KDELR2: variants seen among roughly 807,000 people sequenced by gnomAD.
KDELR2 encodes the protein KDEL endoplasmic reticulum protein retention receptor 2.
Under a neutral mutation model 23.9 loss-of-function variants are expected in KDELR2, and 15 were observed. That is an observed-to-expected ratio of 0.63 (90% CI 0.42 to 0.97). KDELR2 has a LOEUF of 0.97. Among genes scored for constraint, KDELR2 ranks in the 50% least tolerant of loss-of-function variants. The pLI is 0.00. For synonymous variants in KDELR2, 119 were observed against 106.2 expected (o/e 1.12, Z -0.74); for missense variants, 272 against 254.6 (o/e 1.07, Z -0.46).
intron 1 of KDELR2, among the ~76,000 whole-genome samples, chr7:6,480,401 A>C (rs1562503281): frequency 6.6e-6 from 1 of 152,350 alleles, no homozygotes; most frequent in East Asian, 1.9e-4. Flanking sequence ...GATAATTCAG[A>C]ATAGGAGAAA....
At chr7:6,468,856 T>A (rs1785561192) in intron 3 of KDELR2, among the ~76,000 whole-genome samples, 1 of 152,024 alleles carries the variant, frequency 6.6e-6, no homozygotes, top group South Asian at 2.1e-4. Flanking sequence ...CCAGGCTGAA[T>A]GCCTGAACCT....
chr7:6,464,322 C>T (rs559597381), intron 4 of KDELR2, among the ~76,000 whole-genome samples: 82 of 149,822 alleles, frequency 5.5e-4, no homozygotes, highest in African/African-American at 1.7e-3. Flanking sequence ...AGTTCAAGAC[C>T]AGCCTGGCCA....
chr7:6,466,326 G>C lies in KDELR2; in HGVS notation c.352-3C>G, dbSNP rs770409478. On this transcript the variant is annotated splice_polypyrimidine_tract_variant and splice_region_variant and intron_variant, in intron 3 of 4. Coordinates refer to ENST00000258739, the MANE Select transcript of KDELR2 (RefSeq NM_006854.4). ...TAGATGGAGAAGGTCCAGAGGATCT[G>C]GAAGAGAAATGGCAAGCTTCCATCA... 1 of 1,612,602 alleles carries C rather than the reference G, an allele frequency of 6.2e-7. No homozygotes were observed. The highest frequency in any genetic ancestry group is 1.3e-5 in the African/African-American group (1 of 74,968).
chr7:6,482,508 C>T (rs1583322798), intron 1 of KDELR2: 3 of 458,602 alleles, frequency 6.5e-6, no homozygotes, highest in Non-Finnish European at 1.4e-5. Context: ...GACTTTGTAA[C>T]ACCCATCTTA....
At position 6,469,979 on chromosome 7, in the gene KDELR2, A is replaced by G. The variant is rs960512127; in HGVS notation, c.193-225T>C. On this transcript the variant is annotated intron_variant, in intron 2 of 4. Transcript: ENST00000258739. ...GACACAGAATAGTTCCATCATCCCC[A>G]AAATTCTGCCATGCTGCCGCTTCGC... The G allele has an allele frequency of 2.7e-5, 10 of 364,602 alleles. No individual in the cohort carries two copies. In the Admixed American group the frequency reaches 3.9e-4, roughly 14 times the overall value. 22.6% of individuals were successfully genotyped at this position (364,602 alleles called of 1,614,324 possible).
At chr7:6,475,684 T>A (rs773571570) in intron 1 of KDELR2, among the ~76,000 whole-genome samples, 27 of 152,146 alleles carry the variant, frequency 1.8e-4, no homozygotes, top group Non-Finnish European at 2.9e-4. Context: ...ACATCTATAT[T>A]TGGCCAAATA....
At position 6,462,113 on chromosome 7, in the gene KDELR2, G is replaced by A. The variant is rs1353774160; in HGVS notation, c.*1028C>T. The A allele has an allele frequency of 6.6e-6, 1 of 151,956 alleles. No individual in the cohort carries two copies. The highest frequency in any genetic ancestry group is 1.5e-5 in the Non-Finnish European group (1 of 68,028). 9.4% of individuals were successfully genotyped at this position (151,956 alleles called of 1,614,324 possible). ...AAACAAAACAAGAAACTACGATGTCGGCTGCGGGTTAAATAAAAAGAAAAC... is the reference window on the plus strand; with the variant it reads ...AAACAAAACAAGAAACTACGATGTCAGCTGCGGGTTAAATAAAAAGAAAAC... On this transcript the variant is annotated 3_prime_UTR_variant, in exon 5 of 5. Transcript: ENST00000258739.
chr7:6,479,002 C>T (rs983203088), intron 1 of KDELR2, among the ~76,000 whole-genome samples: 1 of 152,048 alleles, frequency 6.6e-6, no homozygotes, highest in African/African-American at 2.4e-5. Context: ...ATTGGCCAAG[C>T]TGGTCTTGAA....
chr7:6,464,848 G>A (rs1785468008), intron 4 of KDELR2, among the ~76,000 whole-genome samples: 1 of 148,116 alleles, frequency 6.8e-6, no homozygotes, highest in South Asian at 2.1e-4. Context: ...AGATTTTCCT[G>A]CCTCAGCCCC....
At chr7:6,482,674 C>A (rs1785926721) in intron 1 of KDELR2, 2 of 386,408 alleles carry the variant, frequency 5.2e-6, no homozygotes, top group Middle Eastern at 3.7e-4. Flanking sequence ...AGTCTCTGCA[C>A]CCAGATAATT....
At position 6,474,373 on chromosome 7, in the gene KDELR2, G is replaced by A. The variant is rs145727910; in HGVS notation, c.92-89C>T. ...CTGTGCAGGGAGTGCAGACAGGGAA[G>A]GAGGGGTGCGTGGGGTCAAGGCCCA... On this transcript the variant is annotated intron_variant, in intron 1 of 4. Coordinates refer to ENST00000258739, the MANE Select transcript of KDELR2 (RefSeq NM_006854.4). 2.8e-3 allele frequency: 2,450 copies of A among 879,918 alleles called. 8 individuals are homozygous for A. Among genetic ancestry groups the A allele is most frequent in the Middle Eastern group, 0.018 (81 of 4,594 alleles). The allele number at this position is 879,918 out of a possible 1,614,324, so 54.5% of individuals were successfully genotyped here.
Position 6,462,781 on chromosome 7 carries a change from A to G in KDELR2, c.*360T>C, listed in dbSNP as rs1448225456. The G allele has an allele frequency of 7.8e-6, 4 of 512,560 alleles. No individual in the cohort carries two copies. Among genetic ancestry groups the G allele is most frequent in the Non-Finnish European group, 1.4e-5 (4 of 294,564 alleles). 31.8% of individuals were successfully genotyped at this position (512,560 alleles called of 1,614,324 possible). The stretch of plus-strand genomic sequence containing the variant: ...GGAGTACAATTTCATTGCAGACACA[A>G]AGACTTAAGAGTTTCAAAGAATTTT... On this transcript the variant is annotated 3_prime_UTR_variant, in exon 5 of 5. Transcript: ENST00000258739.
intron 3 of KDELR2, among the ~76,000 whole-genome samples, chr7:6,467,112 C>A (rs1583316135): frequency 6.6e-6 from 1 of 152,156 alleles, no homozygotes; most frequent in East Asian, 1.9e-4. Context: ...CCTTGTCTCT[C>A]CAGGTTTATT....
At chr7:6,483,153 C>T (rs1785941667) in intron 1 of KDELR2, among the ~76,000 whole-genome samples, 1 of 152,204 alleles carries the variant, frequency 6.6e-6, no homozygotes, top group African/African-American at 2.4e-5. Context: ...ATCAGGGAAC[C>T]AGCCAGCTCA....
At chr7:6,476,656 C>T (rs770011169) in intron 1 of KDELR2, among the ~76,000 whole-genome samples, 1 of 152,118 alleles carries the variant, frequency 6.6e-6, no homozygotes, top group Non-Finnish European at 1.5e-5. Context: ...AACCAGGGAC[C>T]ATCATATTGT....
chr7:6,474,381 G>A (rs1785713349), intron 1 of KDELR2, 97 bp from the exon 2 acceptor site: 1 of 813,882 alleles, frequency 1.2e-6, no homozygotes, highest in Non-Finnish European at 2.1e-6. Flanking sequence ...AAGGAGGGGT[G>A]CGTGGGGTCA....
At chr7:6,478,120 G>A (rs1785793866) in intron 1 of KDELR2, among the ~76,000 whole-genome samples, 1 of 151,526 alleles carries the variant, frequency 6.6e-6, no homozygotes, top group African/African-American at 2.4e-5. Context: ...CCTACCCAGT[G>A]GTATGTACTG....
intron 2 of KDELR2, 191 bp downstream of exon 2, chr7:6,473,993 T>G: frequency 2.3e-6 from 1 of 442,392 alleles, no homozygotes; most frequent in East Asian, 3.4e-5. Flanking sequence ...ACCAAAAATG[T>G]ATGCTTACTG....
chr7:6,474,387 G>T (rs1345040525), intron 1 of KDELR2, 103 bp from the exon 2 acceptor site: 1 of 757,930 alleles, frequency 1.3e-6, no homozygotes, highest in Non-Finnish European at 2.3e-6. Context: ...GGGTGCGTGG[G>T]GTCAAGGCCC....
Sources: gnomAD v4.1 joint callset for allele counts (sites outside exome capture counted in the v4.1 genomes callset) on GRCh38, gnomAD v4.1.1 for gene constraint, MANE v1.5 for transcripts, NCBI Gene and HGNC (gene_info 2026-07-23, HGNC 2026-07-21) for gene names.